The following APMAP variants were observed in gnomAD, a reference collection of about 807,000 sequenced individuals.
APMAP encodes the protein adipocyte plasma membrane associated protein.
Under a neutral mutation model 43.6 loss-of-function variants are expected in APMAP, and 33 were observed. The observed-to-expected ratio is 0.76, with a 90% CI of 0.57 to 1.01. APMAP has a LOEUF of 1.01. Ranked by LOEUF, APMAP falls within the 50% of genes least tolerant of loss-of-function variation. The pLI is 0.00. For missense variants in APMAP, 498 were observed against 540.7 expected, an observed-to-expected ratio of 0.92 and a Z score of 0.78; for synonymous variants, 224 against 216.7, an observed-to-expected ratio of 1.03 and a Z score of -0.30.
chr20:24,969,371 GAGAA>G (rs1218973243), intron 7 of APMAP, among the ~76,000 whole-genome samples, 151 bp downstream of exon 7: 4 of 152,194 alleles, frequency 2.6e-5, no homozygotes, highest in African/African-American at 9.6e-5. Flanking sequence ...CTCGCAATGG[GAGAA>G]AGAAAGCGCA....
intron 8 of APMAP, among the ~76,000 whole-genome samples, chr20:24,968,293 T>C (rs1014948474): frequency 2.7e-5 from 4 of 150,714 alleles, no homozygotes; most frequent in African/African-American, 9.8e-5. Context: ...TTGGTGGGGG[T>C]GGGTGACTTT....
At chr20:24,969,902 A>C (rs554053736) in intron 6 of APMAP, among the ~76,000 whole-genome samples, 1 of 152,340 alleles carries the variant, frequency 6.6e-6, no homozygotes, top group South Asian at 2.1e-4. Flanking sequence ...CTGGACAGGA[A>C]TACCCCTCAG....
rs111947330 is a variant in APMAP, at chr20:24,988,446, C to T, written c.95+4148G>A. Among the ~76,000 whole-genome samples the T allele has an allele frequency of 1.4e-4, 22 of 152,332 alleles. 1 individual carries two copies. The highest frequency in any genetic ancestry group is 5.3e-4 in the African/African-American group (22 of 41,568). On this transcript the variant is annotated intron_variant, in intron 1 of 8. Coordinates refer to ENST00000217456, the MANE Select transcript of APMAP (RefSeq NM_020531.3). Reference sequence around the variant, plus strand: ...CAAAAAGTCCAGCCAGGACTGAAAGCCACGGGGCTTACAGCCAGAAAGGAG... The same window carrying T: ...CAAAAAGTCCAGCCAGGACTGAAAGTCACGGGGCTTACAGCCAGAAAGGAG...
chr20:24,964,538 G>A, intron 8 of APMAP: 1 of 457,974 alleles, frequency 2.2e-6, no homozygotes, highest in African/African-American at 2.0e-5. Flanking sequence ...AAAACAAAAA[G>A]CAAAATCCCA....
chr20:24,964,349 C>G (rs1218501732), intron 8 of APMAP: 1 of 528,718 alleles, frequency 1.9e-6, no homozygotes, highest in African/African-American at 1.9e-5. Context: ...GCACTGCAGC[C>G]AAGGCTCAGA....
intron 1 of APMAP, among the ~76,000 whole-genome samples, chr20:24,990,104 T>G (rs2088179667): frequency 6.6e-6 from 1 of 152,214 alleles, no homozygotes; most frequent in Non-Finnish European, 1.5e-5. Context: ...CAGAGTACAA[T>G]TAAGTTTCTA....
At chr20:24,969,964 G>T (rs1035486724) in intron 6 of APMAP, among the ~76,000 whole-genome samples, 1 of 152,248 alleles carries the variant, frequency 6.6e-6, no homozygotes, top group Non-Finnish European at 1.5e-5. Context: ...CGACTGCCTA[G>T]ACTTGCACCC....
chr20:24,985,776 C>T (rs747765377), intron 1 of APMAP, among the ~76,000 whole-genome samples: 13 of 151,746 alleles, frequency 8.6e-5, no homozygotes, highest in South Asian at 2.1e-4. Context: ...AGTAAAACTA[C>T]GGATGTTAAA....
intron 1 of APMAP, 83 bp from the exon 2 acceptor site, chr20:24,984,102 G>A: frequency 9.2e-7 from 1 of 1,084,488 alleles, no homozygotes; most frequent in Non-Finnish European, 1.4e-6. Context: ...CCTCCCGGCA[G>A]GAGCAGGGAC....
At chr20:24,978,650 G>A (rs2088071520) in intron 3 of APMAP, 117 bp downstream of exon 3, 1 of 772,864 alleles carries the variant, frequency 1.3e-6, no homozygotes, top group African/African-American at 1.7e-5. Flanking sequence ...CAGCTAAGAA[G>A]GATGTGCAGG....
rs767042873 is a variant in APMAP at position 24,992,637 on chromosome 20, C to T, written c.52G>A (p.Val18Ile). Residue 18 changes from valine (V) to isoleucine (I), a missense_variant, in exon 1 of 9, where the codon GTC (valine) becomes ATC (isoleucine). Physicochemically the swap from Val to Ile is conservative, Grantham distance 29 (BLOSUM62 3). Coordinates refer to ENST00000217456, the MANE Select transcript of APMAP (RefSeq NM_020531.3). ...GGGGCCTGGCCATCATCGTCTGTGA[C>T]GACCTGCGGCCGCAGGGGCCGGCGC... Reference protein sequence around the residue: ...RQRRPLRPQVVTDDDGQAPEA... With the variant: ...RQRRPLRPQVITDDDGQAPEA... 23 of 1,569,918 alleles carry T rather than the reference C, an allele frequency of 1.5e-5. No homozygotes were observed. Among genetic ancestry groups the T allele is most frequent in the Non-Finnish European group, 2.0e-5 (23 of 1,159,176 alleles).
rs751994228 is a variant in APMAP at position 24,973,728 on chromosome 20, A to C, written c.338T>G (p.Phe113Cys). 1.5e-4 allele frequency: 241 copies of C among 1,613,950 alleles called. No individual in the cohort carries two copies. Among genetic ancestry groups the C allele is most frequent in the Non-Finnish European group, 2.0e-4 (236 of 1,179,930 alleles). The change falls in exon 4 of 9, where the codon TTT (phenylalanine) becomes TGT (cysteine). Residue 113 changes from phenylalanine to cysteine, a missense_variant. By Grantham distance (205) the Phe-to-Cys change is radical. Transcript: ENST00000217456. ...GACCCGGCCATCTGCTGTCCCAGTA[A>C]ACATCACATCTGTTTAAAAACACAA... ...ESIAHIGDVM[F>C]TGTADGRVVK...
At chr20:24,985,222 T>G (rs555472997) in intron 1 of APMAP, among the ~76,000 whole-genome samples, 1 of 152,274 alleles carries the variant, frequency 6.6e-6, no homozygotes, top group Non-Finnish European at 1.5e-5. Flanking sequence ...TTCCTGAACA[T>G]GCATGATCCA....
intron 2 of APMAP, among the ~76,000 whole-genome samples, chr20:24,979,550 C>CT (rs2088082688): frequency 6.6e-6 from 1 of 152,180 alleles, no homozygotes; most frequent in African/African-American, 2.4e-5. Context: ...CCATCAAGTT[C>CT]TGCTGAGGCC....
rs1440310155 is a variant in APMAP, at chr20:24,968,979, C to T, written c.954G>A (p.Val318=). 1.5e-5 allele frequency: 25 copies of T among 1,613,878 alleles called. No individual in the cohort carries two copies. The highest frequency in any genetic ancestry group is 1.6e-4 in the Middle Eastern group (1 of 6,082). ...IRPSSSGGYW[V]GMSTIRPNPG... ...GGTTAGGGCGGATGGTCGACATGCC[C>T]ACCCAGTACCCCCCAGAGCTGCTGG... Residue 318 remains valine, a synonymous_variant, in exon 8 of 9, where the codon GTG becomes GTA. Transcript: ENST00000217456.
chr20:24,981,440 C>A (rs1450808613), intron 2 of APMAP, among the ~76,000 whole-genome samples: 1 of 152,222 alleles, frequency 6.6e-6, no homozygotes, highest in African/African-American at 2.4e-5. Context: ...TTCCTAAGCA[C>A]TTCTGAGAAC....
Position 24,977,593 on chromosome 20 carries a change from C to T in APMAP, c.328+1174G>A, listed in dbSNP as rs188768522. Among the ~76,000 whole-genome samples, 810 of 152,148 alleles carry T rather than the reference C, an allele frequency of 5.3e-3. 3 individuals are homozygous for T. The highest frequency in any genetic ancestry group is 7.9e-3 in the Non-Finnish European group (538 of 68,010). ...CCAGAGAGGACCCCACTGTGCCTGG[C>T]CAAGAAATGTCACCAGCTCATCAAA... On this transcript the variant is annotated intron_variant, in intron 3 of 8. Transcript: ENST00000217456.
In APMAP at chr20:24,963,529, A is replaced by C; in HGVS notation, c.*284T>G. On this transcript the variant is annotated 3_prime_UTR_variant, in exon 9 of 9. Transcript: ENST00000217456. ...GGAGCTTCCCAAATCCTAGAGAATGACTGTACTTAGAAAGTTTTGTTTTGT... is the reference window on the plus strand; with the variant it reads ...GGAGCTTCCCAAATCCTAGAGAATGCCTGTACTTAGAAAGTTTTGTTTTGT... The C allele has an allele frequency of 2.3e-6, 1 of 438,876 alleles. No individual in the cohort carries two copies. The highest frequency in any genetic ancestry group is 4.2e-6 in the Non-Finnish European group (1 of 239,618). 27.2% of individuals were successfully genotyped at this position (438,876 alleles called of 1,614,324 possible).
intron 8 of APMAP, 143 bp from the exon 9 acceptor site, chr20:24,964,165 C>T: frequency 1.1e-6 from 1 of 873,544 alleles, no homozygotes; most frequent in Non-Finnish European, 1.8e-6. Context: ...CCCCACAGGA[C>T]AGCTAATCCA....
Sources: gnomAD v4.1 joint callset for allele counts (sites outside exome capture counted in the v4.1 genomes callset) on GRCh38, gnomAD v4.1.1 for gene constraint, MANE v1.5 for transcripts, NCBI Gene and HGNC (gene_info 2026-07-23, HGNC 2026-07-21) for gene names.